FCHSD2: variants seen among roughly 807,000 people sequenced by gnomAD.
FCHSD2 encodes the protein FCH and double SH3 domains 2, also known as F-BAR and double SH3 domains protein 2.
Under a neutral mutation model 108.1 loss-of-function variants are expected in FCHSD2, and 38 were observed. That is an observed-to-expected ratio of 0.35 (90% CI 0.27 to 0.46). The LOEUF is 0.46. Ranked by LOEUF, FCHSD2 falls within the 20% of genes least tolerant of loss-of-function variation. The probability of loss-of-function intolerance (pLI) is 1.00; values close to 1 mark genes in which losing one functional copy is unlikely to be tolerated. For missense variants in FCHSD2, 751 were observed against 897.8 expected (o/e 0.84, Z 2.09); for synonymous variants, 279 against 314.7 (o/e 0.89, Z 1.20).
At chr11:73,084,272 C>A (rs1013180470) in intron 2 of FCHSD2, among the ~76,000 whole-genome samples, 1 of 152,152 alleles carries the variant, frequency 6.6e-6, no homozygotes, top group Admixed American at 6.6e-5. Context: ...TTCCTTCACT[C>A]CAGTTTTTTA....
chr11:72,957,757 T>C (rs1856742557), intron 8 of FCHSD2, among the ~76,000 whole-genome samples: 2 of 152,004 alleles, frequency 1.3e-5, no homozygotes, highest in African/African-American at 2.4e-5. Context: ...GGCATTATGT[T>C]CACGATTTGC....
chr11:72,890,943 C>T (rs965447321), intron 10 of FCHSD2, among the ~76,000 whole-genome samples: 3 of 151,996 alleles, frequency 2.0e-5, no homozygotes, highest in Non-Finnish European at 4.4e-5. Context: ...ATATAGAAAG[C>T]AGCAAAATTG....
chr11:73,063,615 C>CA (rs71588180), intron 3 of FCHSD2, among the ~76,000 whole-genome samples: 2,393 of 148,042 alleles, frequency 0.016, 54 homozygotes, highest in African/African-American at 0.053. Flanking sequence ...AAATGGAAAG[C>CA]AAAAAAAAAG....
chr11:73,044,659 CA>C (rs1259535158), intron 3 of FCHSD2, among the ~76,000 whole-genome samples: 2 of 152,154 alleles, frequency 1.3e-5, no homozygotes, highest in Non-Finnish European at 2.9e-5. Context: ...ATTAAGCATA[CA>C]TGTGCTAGAT....
At chr11:72,939,318 T>A (rs911778839) in intron 8 of FCHSD2, among the ~76,000 whole-genome samples, 8 of 152,150 alleles carry the variant, frequency 5.3e-5, no homozygotes, top group African/African-American at 1.9e-4. Flanking sequence ...ACTAAGCATT[T>A]TTCCCCCAGT....
At chr11:73,028,783 C>CA (rs2135448519) in intron 3 of FCHSD2, among the ~76,000 whole-genome samples, 1 of 152,192 alleles carries the variant, frequency 6.6e-6, no homozygotes, top group African/African-American at 2.4e-5. Context: ...ATGCTGGTCT[C>CA]ATGATAGTGA....
In FCHSD2 at chr11:72,840,858, T is replaced by C. The variant is rs368134636; in HGVS notation, c.2139+19A>G. On this transcript the variant is annotated intron_variant, in intron 19 of 19. Transcript: ENST00000409418. Reference sequence around the variant, plus strand: ...GGAAGAACTATGCATTCGATAATCCTGCAAGATCAGAGACTTACAGGTCGC... The same window carrying C: ...GGAAGAACTATGCATTCGATAATCCCGCAAGATCAGAGACTTACAGGTCGC... 1.4e-4 allele frequency: 224 copies of C among 1,565,086 alleles called. No homozygotes were observed. The highest frequency in any genetic ancestry group is 1.8e-4 in the Non-Finnish European group (205 of 1,135,778).
intron 2 of FCHSD2, among the ~76,000 whole-genome samples, chr11:73,106,120 T>A (rs1860336057): frequency 6.6e-6 from 1 of 152,204 alleles, no homozygotes; most frequent in Non-Finnish European, 1.5e-5. Flanking sequence ...TAATTAATTT[T>A]ACAAAATCTT....
chr11:73,126,421 C>T (rs1457124708), intron 2 of FCHSD2, among the ~76,000 whole-genome samples: 1 of 144,734 alleles, frequency 6.9e-6, no homozygotes, highest in Non-Finnish European at 1.5e-5. Context: ...GCTTGTTTTC[C>T]CAACTTTGTG....
At chr11:73,094,756 A>G (rs1208773355) in intron 2 of FCHSD2, among the ~76,000 whole-genome samples, 1 of 152,228 alleles carries the variant, frequency 6.6e-6, no homozygotes, top group Non-Finnish European at 1.5e-5. Flanking sequence ...ATTGTTTAAT[A>G]AAGAAATATC....
chr11:72,899,238 T>C (rs1380959826), intron 10 of FCHSD2, among the ~76,000 whole-genome samples: 4 of 152,390 alleles, frequency 2.6e-5, no homozygotes, highest in Non-Finnish European at 4.4e-5. Context: ...CTTCCTGGCA[T>C]GTTGCTTCTC....
intron 8 of FCHSD2, among the ~76,000 whole-genome samples, chr11:72,965,785 T>C (rs538603053): frequency 1.3e-5 from 2 of 152,342 alleles, no homozygotes; most frequent in East Asian, 1.9e-4. Flanking sequence ...TTCTTAAGTA[T>C]ATAAATAGAA....
At chr11:73,025,607 T>C (rs1429400356) in intron 3 of FCHSD2, among the ~76,000 whole-genome samples, 4 of 152,116 alleles carry the variant, frequency 2.6e-5, no homozygotes, top group African/African-American at 9.7e-5. Flanking sequence ...AGTTTAACTA[T>C]GTAACAAACC....
chr11:73,088,456 T>C (rs1326285062), intron 2 of FCHSD2, among the ~76,000 whole-genome samples: 2 of 152,258 alleles, frequency 1.3e-5, no homozygotes, highest in East Asian at 1.9e-4. Context: ...ATTGTATACA[T>C]ACGTGTGTGT....
At chr11:72,913,455 G>C (rs1197120120) in intron 9 of FCHSD2, among the ~76,000 whole-genome samples, 2 of 152,106 alleles carry the variant, frequency 1.3e-5, no homozygotes, top group Admixed American at 1.3e-4. Context: ...TTTTAGTAGA[G>C]ACAGGGTTTC....
At chr11:73,054,977 T>C (rs1383038108) in intron 3 of FCHSD2, among the ~76,000 whole-genome samples, 1 of 152,012 alleles carries the variant, frequency 6.6e-6, no homozygotes, top group Non-Finnish European at 1.5e-5. Flanking sequence ...GGGTAGTTTA[T>C]AAAAAGAGGT....
chr11:73,036,239 A>C (rs866284939), intron 3 of FCHSD2, among the ~76,000 whole-genome samples: 2 of 152,116 alleles, frequency 1.3e-5, no homozygotes, highest in South Asian at 4.1e-4. Context: ...ATACAATTAG[A>C]AACATTAAAG....
At chr11:72,840,490 C>T (rs1473338696) in intron 19 of FCHSD2, among the ~76,000 whole-genome samples, 3 of 152,110 alleles carry the variant, frequency 2.0e-5, no homozygotes, top group Non-Finnish European at 2.9e-5. Flanking sequence ...CTCTTTAAGG[C>T]CATGAAGTTA....
At position 72,841,570 on chromosome 11, in the gene FCHSD2, G is replaced by T. The variant is rs772469113; in HGVS notation, c.1940C>A (p.Pro647His). Reference sequence around the variant, plus strand: ...TGGAGGCAGGGAGGCGTGTGGCTTGGGGGAAGGAGAGATCTGCAGCAAAGG... The same window carrying T: ...TGGAGGCAGGGAGGCGTGTGGCTTGTGGGAAGGAGAGATCTGCAGCAAAGG... Reference protein sequence around the residue: ...WMREIQISPSPKPHASLPPLP... With the variant: ...WMREIQISPSHKPHASLPPLP... The change falls in exon 18 of 20, where the codon CCC (proline) becomes CAC (histidine). Residue 647 changes from proline to histidine, a missense_variant. Coordinates refer to ENST00000409418, the MANE Select transcript of FCHSD2 (RefSeq NM_014824.3). 1.2e-6 allele frequency: 2 copies of T among 1,606,196 alleles called. No individual in the cohort carries two copies. Among genetic ancestry groups the T allele is most frequent in the Non-Finnish European group, 1.7e-6 (2 of 1,176,990 alleles).
Sources: gnomAD v4.1 joint callset for allele counts (sites outside exome capture counted in the v4.1 genomes callset) on GRCh38, gnomAD v4.1.1 for gene constraint, MANE v1.5 for transcripts, NCBI Gene and HGNC (gene_info 2026-07-23, HGNC 2026-07-21) for gene names.